FRZB: variants seen among roughly 807,000 people sequenced by gnomAD.
FRZB encodes the protein secreted frizzled-related protein 3.
Under a neutral mutation model 32.5 loss-of-function variants are expected in FRZB, and 34 were observed. The observed-to-expected ratio is 1.05, with a 90% CI of 0.80 to 1.39. The LOEUF (loss-of-function observed/expected upper bound fraction) is 1.39. FRZB is among the 40% of genes most tolerant of loss of function. The probability of loss-of-function intolerance (pLI) is 0.00; values close to 1 mark genes in which losing one functional copy is unlikely to be tolerated. For synonymous variants in FRZB, 170 were observed against 159.2 expected (o/e 1.07, Z -0.51); for missense variants, 423 against 424.8 (o/e 1.00, Z 0.04).
In FRZB at chr2:182,858,762, CCAGG is replaced by C. The variant is rs1167772043; in HGVS notation, c.526+20_526+23del. ...TGACTAATCTGACCACAAATGAAAA[CCAGG>C]AAGATAATGATATACTCACCACTGC... On this transcript the variant is annotated intron_variant, in intron 2 of 5. Transcript: ENST00000295113. The C allele has an allele frequency of 6.4e-7, 1 of 1,574,228 alleles. No homozygotes were observed. Among genetic ancestry groups the C allele is most frequent in the South Asian group, 1.2e-5 (1 of 86,834 alleles).
chr2:182,838,672 A>G, intron 3 of FRZB, 59 bp from the exon 4 acceptor site: 1 of 1,386,276 alleles, frequency 7.2e-7, no homozygotes, highest in Non-Finnish European at 1.0e-6. Flanking sequence ...TACCCCATTC[A>G]AAAAAAGCCA....
Position 182,834,649 on chromosome 2 carries a change from C to A in FRZB, c.*200G>T. On this transcript the variant is annotated 3_prime_UTR_variant, in exon 6 of 6. Coordinates refer to ENST00000295113, the MANE Select transcript of FRZB (RefSeq NM_001463.4). ...AACTCACAATATACTTAAGAGTCTG[C>A]CCCCAAACCATTACAAAGGGGTTGA... 5.2e-6 allele frequency: 3 copies of A among 578,534 alleles called. No individual in the cohort carries two copies. Among genetic ancestry groups the A allele is most frequent in the South Asian group, 2.3e-5 (1 of 44,162 alleles). The allele number at this position is 578,534 out of a possible 1,614,324, so 35.8% of individuals were successfully genotyped here.
chr2:182,864,250 C>T (rs759708012), intron 1 of FRZB, among the ~76,000 whole-genome samples: 5 of 152,208 alleles, frequency 3.3e-5, no homozygotes, highest in Non-Finnish European at 7.3e-5. Flanking sequence ...CCAAACCTCA[C>T]TCACTCTAGG....
At chr2:182,847,277 G>A (rs1193482149) in intron 2 of FRZB, among the ~76,000 whole-genome samples, 1 of 152,084 alleles carries the variant, frequency 6.6e-6, no homozygotes, top group Non-Finnish European at 1.5e-5. Flanking sequence ...TTAAAGCTTT[G>A]GGTGAGTTGT....
chr2:182,837,209 T>C (rs886154832), intron 5 of FRZB, among the ~76,000 whole-genome samples: 6 of 151,468 alleles, frequency 4.0e-5, no homozygotes, highest in African/African-American at 9.7e-5. Context: ...AGTACTGTAC[T>C]ATGTGATTTT....
chr2:182,841,259 G>C (rs957566727), intron 3 of FRZB, among the ~76,000 whole-genome samples: 2 of 151,994 alleles, frequency 1.3e-5, no homozygotes, highest in African/African-American at 2.4e-5. Context: ...AAACAAGGTG[G>C]ATTTGTTTTA....
At chr2:182,843,341 T>G (rs1022869837) in intron 2 of FRZB, among the ~76,000 whole-genome samples, 2 of 152,138 alleles carry the variant, frequency 1.3e-5, no homozygotes, top group African/African-American at 4.8e-5. Context: ...CCTTGAAGAG[T>G]AGATTATTAT....
Position 182,866,543 on chromosome 2 carries a change from C to A in FRZB, c.10G>T (p.Gly4Cys). 1 of 1,457,934 alleles carries A rather than the reference C, an allele frequency of 6.9e-7. No homozygotes were observed. Among genetic ancestry groups the A allele is most frequent in the African/African-American group, 1.4e-5 (1 of 70,824 alleles). 90.3% of individuals were successfully genotyped at this position (1,457,934 alleles called of 1,614,324 possible). Residue 4 changes from glycine to cysteine, a missense_variant, in exon 1 of 6, where the codon GGC (glycine) becomes TGC (cysteine). Coordinates refer to ENST00000295113, the MANE Select transcript of FRZB (RefSeq NM_001463.4). The surrounding 1 kb of genome is among the most constrained non-coding windows in gnomAD (Gnocchi z 4.5). MVCGSPGGMLLLRA... is the reference protein window; with the variant it reads MVCCSPGGMLLLRA... ...AGCAGCAGCATCCCTCCCGGGCTGCCGCAGACCATGATCCCGGCAGGATGG... is the reference window on the plus strand; with the variant it reads ...AGCAGCAGCATCCCTCCCGGGCTGCAGCAGACCATGATCCCGGCAGGATGG...
intron 1 of FRZB, among the ~76,000 whole-genome samples, chr2:182,864,119 G>C (rs1695864242): frequency 6.6e-6 from 1 of 152,198 alleles, no homozygotes; most frequent in African/African-American, 2.4e-5. Flanking sequence ...TGTCCTATTT[G>C]AGTGCTTCAA....
intron 2 of FRZB, among the ~76,000 whole-genome samples, chr2:182,851,080 T>C (rs946086709): frequency 3.3e-5 from 5 of 152,228 alleles, no homozygotes; most frequent in Non-Finnish European, 1.5e-5. Context: ...TTTTGTTTTG[T>C]TTTTGCTATT....
chr2:182,866,053 G>A lies in FRZB; in HGVS notation c.478+22C>T. On this transcript the variant is annotated intron_variant, in intron 1 of 5. Coordinates refer to ENST00000295113, the MANE Select transcript of FRZB (RefSeq NM_001463.4). This position sits in a 1 kb window ranked among gnomAD's most constrained non-coding sequence, Gnocchi z 4.5. ...TGAGGAGGCTGTAGGGTAAGGGAAGGGTGGGCCGTGTCAAAACTCACCAGC... is the reference window on the plus strand; with the variant it reads ...TGAGGAGGCTGTAGGGTAAGGGAAGAGTGGGCCGTGTCAAAACTCACCAGC... The A allele has an allele frequency of 6.4e-7, 1 of 1,570,362 alleles. No individual in the cohort carries two copies. Among genetic ancestry groups the A allele is most frequent in the South Asian group, 1.1e-5 (1 of 87,072 alleles).
chr2:182,842,376 C>T (rs2105754066), intron 3 of FRZB, 102 bp downstream of exon 3: 1 of 828,546 alleles, frequency 1.2e-6, no homozygotes, highest in Middle Eastern at 2.3e-4. Context: ...AAGCCTTATT[C>T]TTAAATGGCT....
intron 3 of FRZB, among the ~76,000 whole-genome samples, chr2:182,841,617 C>G (rs887043187): frequency 6.6e-6 from 1 of 152,100 alleles, no homozygotes; most frequent in Non-Finnish European, 1.5e-5. Context: ...CAGTAAATAT[C>G]AGTCCCTTAT....
At chr2:182,841,684 G>A (rs1695587516) in intron 3 of FRZB, among the ~76,000 whole-genome samples, 1 of 152,072 alleles carries the variant, frequency 6.6e-6, no homozygotes, top group South Asian at 2.1e-4. Context: ...CTGTATAAAT[G>A]AATTTATGAC....
intron 2 of FRZB, among the ~76,000 whole-genome samples, chr2:182,845,708 G>A (rs1317722379): frequency 6.6e-6 from 1 of 152,142 alleles, no homozygotes; most frequent in East Asian, 1.9e-4. Flanking sequence ...TTCAATTGTG[G>A]GACAGAGTGC....
chr2:182,842,498 A>G lies in FRZB; in HGVS notation c.572T>C (p.Phe191Ser), dbSNP rs1487236360. The G allele has an allele frequency of 1.9e-6, 3 of 1,612,738 alleles. No individual in the cohort carries two copies. In the African/African-American group the frequency reaches 4.0e-5, roughly 22 times the overall value. Residue 191 changes from phenylalanine (F) to serine (S), a missense_variant, in exon 3 of 6, where the codon TTC (phenylalanine) becomes TCC (serine). Physicochemically the swap from Phe to Ser is radical, Grantham distance 155. Transcript: ENST00000295113. Reference sequence around the variant, plus strand: ...CTTACCATAGTTGTAATTGTTCCGGAAATAGGTCTTCTGTGTAGCTCTAAT... The same window carrying G: ...CTTACCATAGTTGTAATTGTTCCGGGAATAGGTCTTCTGTGTAGCTCTAAT... ...KPIRATQKTY[F>S]RNNYNYVIRA...
intron 3 of FRZB, among the ~76,000 whole-genome samples, chr2:182,840,157 C>A (rs1222029421): frequency 2.0e-5 from 3 of 152,170 alleles, no homozygotes; most frequent in South Asian, 2.1e-4. Context: ...GTTTGACTGG[C>A]AAGTGGAGCC....
At chr2:182,850,153 T>C (rs1215608364) in intron 2 of FRZB, among the ~76,000 whole-genome samples, 2 of 147,202 alleles carry the variant, frequency 1.4e-5, no homozygotes, top group African/African-American at 2.5e-5. Context: ...CATTGATATT[T>C]TCATACATTC....
chr2:182,860,489 G>C (rs915163431), intron 1 of FRZB, among the ~76,000 whole-genome samples: 1 of 152,060 alleles, frequency 6.6e-6, no homozygotes, highest in African/African-American at 2.4e-5. Context: ...CATTAGAGAG[G>C]GAGAGAAGGG....
Sources: allele counts gnomAD v4.1 joint callset (sites outside exome capture counted in the v4.1 genomes callset), GRCh38; gene constraint gnomAD v4.1.1; non-coding constraint Gnocchi (gnomAD v3.1); transcripts MANE v1.5; gene names NCBI Gene and HGNC (gene_info 2026-07-23, HGNC 2026-07-21).